FZD6: variants seen among roughly 807,000 people sequenced by gnomAD.
FZD6 encodes frizzled class receptor 6.
Under a neutral mutation model 61.4 loss-of-function variants are expected in FZD6, and 49 were observed. The observed-to-expected ratio is 0.80, with a 90% CI of 0.63 to 1.01. The LOEUF (loss-of-function observed/expected upper bound fraction) is 1.01, where lower values mean the gene tolerates loss of function less well. FZD6 is among the 50% of genes least tolerant of loss of function. The pLI is 0.00. For missense variants in FZD6, 724 were observed against 848.2 expected (o/e 0.85, Z 1.82); for synonymous variants, 265 against 292.2 (o/e 0.91, Z 0.95).
chr8:103,319,461 G>A (rs776083774), intron 3 of FZD6, among the ~76,000 whole-genome samples: 1 of 152,164 alleles, frequency 6.6e-6, no homozygotes, highest in Non-Finnish European at 1.5e-5. Flanking sequence ...GCACAATCCT[G>A]TGAGCTTCTG....
At chr8:103,311,698 A>G (rs1814501459) in intron 2 of FZD6, among the ~76,000 whole-genome samples, 1 of 151,862 alleles carries the variant, frequency 6.6e-6, no homozygotes, top group South Asian at 2.1e-4. Context: ...AAAAAAAAAA[A>G]AAAAGTGTTA....
rs139148335 is a variant in FZD6 at position 103,325,486 on chromosome 8, A to G, written c.1380A>G (p.Pro460=). The G allele has an allele frequency of 6.2e-7, 1 of 1,610,386 alleles. No homozygotes were observed. The change falls in exon 4 of 7, where the codon CCA becomes CCG. Residue 460 remains proline, a synonymous_variant. Transcript: ENST00000358755. ...VSDHCRQYHI[P]CPYQAKAKAR... ...ATCATTGTCGTCAGTACCATATCCC[A>G]TGTCCTTATCAGGTAAAAGCTATCA...
Position 103,328,275 on chromosome 8 carries a change from C to G in FZD6, c.1400C>G (p.Ala467Gly). ...ATTCACTATTTTTTGTAGGCAAAAG[C>G]AAAAGCTCGACCAGAATTGGCTTTA... ...YHIPCPYQAK[A>G]KARPELALFM... Residue 467 changes from alanine to glycine, a missense_variant, in exon 5 of 7, where the codon GCA becomes GGA. Transcript: ENST00000358755. 1.2e-6 allele frequency: 2 copies of G among 1,610,316 alleles called. No individual in the cohort carries two copies. Among genetic ancestry groups the G allele is most frequent in the Non-Finnish European group, 1.7e-6 (2 of 1,176,718 alleles).
At chr8:103,314,007 T>C (rs1402171133) in intron 2 of FZD6, among the ~76,000 whole-genome samples, 1 of 152,122 alleles carries the variant, frequency 6.6e-6, no homozygotes, top group Non-Finnish European at 1.5e-5. Context: ...CTTACAGGCA[T>C]TTTCATTTAC....
At position 103,323,529 on chromosome 8, in the gene FZD6, C is replaced by A. The variant is rs181833902; in HGVS notation, c.375-952C>A. Among the ~76,000 whole-genome samples, 840 of 151,852 alleles carry A rather than the reference C, an allele frequency of 5.5e-3. 9 individuals carry two copies. Among genetic ancestry groups the A allele is most frequent in the African/African-American group, 0.019 (800 of 41,374 alleles). ...CACTGCAACCTCCGCCTCCCAGGTT[C>A]AAGTGATTCTCCTGCCTCAGCTTCC... On this transcript the variant is annotated intron_variant, in intron 3 of 6. Transcript: ENST00000358755.
At chr8:103,329,013 T>TTTATATATATATATATA (rs143400765) in intron 5 of FZD6, among the ~76,000 whole-genome samples, 2 of 115,178 alleles carry the variant, frequency 1.7e-5, no homozygotes, top group African/African-American at 5.9e-5. Context: ...CATTTTAGTT[T>TTTATATATATATATATA]TATATATATA....
chr8:103,311,135 A>G (rs1248973993), intron 2 of FZD6, among the ~76,000 whole-genome samples: 17 of 152,128 alleles, frequency 1.1e-4, no homozygotes. Flanking sequence ...ATACCATAGG[A>G]TTAGTTTGTC....
At chr8:103,298,766 G>A (rs1814046112), upstream of FZD6, 2 of 138,746 alleles carry the variant, frequency 1.4e-5, no homozygotes, top group Admixed American at 8.2e-5. Context: ...CCGGGCGCAG[G>A]GCCAGTCCCG....
In FZD6 at chr8:103,328,267, G is replaced by T; in HGVS notation, c.1393-1G>T. 6.2e-7 allele frequency: 1 copy of T among 1,607,512 alleles called. No individual in the cohort carries two copies. Among genetic ancestry groups the T allele is most frequent in the East Asian group, 2.2e-5 (1 of 44,778 alleles). ...ATATTATTATTCACTATTTTTTGTA[G>T]GCAAAAGCAAAAGCTCGACCAGAAT... On this transcript the variant is annotated splice_acceptor_variant, in intron 4 of 6. Coordinates refer to ENST00000358755, the MANE Select transcript of FZD6 (RefSeq NM_003506.4). LOFTEE classifies it high-confidence loss of function.
At chr8:103,321,224 T>C (rs891208284) in intron 3 of FZD6, among the ~76,000 whole-genome samples, 16 of 152,206 alleles carry the variant, frequency 1.1e-4, no homozygotes, top group African/African-American at 3.9e-4. Context: ...TTTATTCGTG[T>C]TTGAGAATGC....
At position 103,332,702 on chromosome 8, in the gene FZD6, T is replaced by C. The variant is rs1175298083; in HGVS notation, c.*1193T>C. The C allele has an allele frequency of 6.6e-6, 1 of 152,636 alleles. No individual in the cohort carries two copies. Among genetic ancestry groups the C allele is most frequent in the Non-Finnish European group, 1.5e-5 (1 of 68,030 alleles). The allele number at this position is 152,636 out of a possible 1,614,324, so 9.5% of individuals were successfully genotyped here. ...ATTTTCTCTCAATTTAGCATTTGCTTTTGGTTTTTTTCTCTATTTAGCATT... is the reference window on the plus strand; with the variant it reads ...ATTTTCTCTCAATTTAGCATTTGCTCTTGGTTTTTTTCTCTATTTAGCATT... On this transcript the variant is annotated 3_prime_UTR_variant, in exon 7 of 7. Coordinates refer to ENST00000358755, the MANE Select transcript of FZD6 (RefSeq NM_003506.4).
At chr8:103,330,393 CACCTTAT>C (rs1815086854) in intron 6 of FZD6, among the ~76,000 whole-genome samples, 1 of 152,146 alleles carries the variant, frequency 6.6e-6, no homozygotes, top group Non-Finnish European at 1.5e-5. Context: ...TAAAAAGTGT[CACCTTAT>C]ACAAAATTAT....
At chr8:103,314,001 C>A (rs1355383895) in intron 2 of FZD6, among the ~76,000 whole-genome samples, 1 of 152,086 alleles carries the variant, frequency 6.6e-6, no homozygotes, top group Non-Finnish European at 1.5e-5. Context: ...TATCATCTTA[C>A]AGGCATTTTC....
chr8:103,325,040 G>A lies in FZD6; in HGVS notation c.934G>A (p.Gly312Arg), dbSNP rs758705643. 1.2e-6 allele frequency: 2 copies of A among 1,614,168 alleles called. No individual in the cohort carries two copies. Among genetic ancestry groups the A allele is most frequent in the Admixed American group, 1.7e-5 (1 of 60,028 alleles). Residue 312 changes from glycine (G) to arginine (R), a missense_variant, in exon 4 of 7, where the codon GGA becomes AGA. Transcript: ENST00000358755. ...ILTITWFLAAGRKWSCEAIEQ... is the reference protein window; with the variant it reads ...ILTITWFLAARRKWSCEAIEQ... ...TACCATTACTTGGTTCTTAGCTGCA[G>A]GAAGAAAATGGAGTTGTGAAGCCAT...
intron 2 of FZD6, among the ~76,000 whole-genome samples, chr8:103,308,506 A>T (rs191019097): frequency 3.3e-4 from 51 of 152,290 alleles, no homozygotes; most frequent in Admixed American, 5.2e-4. Flanking sequence ...GCCACCTCTG[A>T]ATGGAGTTAT....
At position 103,331,843 on chromosome 8, in the gene FZD6, G is replaced by T; in HGVS notation, c.*334G>T. ...ATGTACTATGCTATTTTACTTTTTT[G>T]ATATAAAATCAAGATATTTCTTTGC... is the stretch of plus-strand genomic sequence containing the variant. On this transcript the variant is annotated 3_prime_UTR_variant, in exon 7 of 7. Coordinates refer to ENST00000358755, the MANE Select transcript of FZD6 (RefSeq NM_003506.4). 9.2e-6 allele frequency: 2 copies of T among 218,540 alleles called. No homozygotes were observed. Among genetic ancestry groups the T allele is most frequent in the Admixed American group, 5.3e-5 (1 of 18,938 alleles). 13.5% of individuals were successfully genotyped at this position (218,540 alleles called of 1,614,324 possible).
At chr8:103,305,414 A>G (rs554058146) in intron 2 of FZD6, among the ~76,000 whole-genome samples, 1 of 152,218 alleles carries the variant, frequency 6.6e-6, no homozygotes, top group Non-Finnish European at 1.5e-5. Context: ...AACTGGATAA[A>G]CAGACTTTTA....
chr8:103,301,877 T>C (rs1814182817), intron 2 of FZD6, among the ~76,000 whole-genome samples: 1 of 152,248 alleles, frequency 6.6e-6, no homozygotes, highest in South Asian at 2.1e-4. Context: ...AAAATTACTT[T>C]TTAATTTACC....
In FZD6 at chr8:103,325,019, A is replaced by G; in HGVS notation, c.913A>G (p.Ile305Val). 2 of 1,614,124 alleles carry G rather than the reference A, an allele frequency of 1.2e-6. No individual in the cohort carries two copies. Among genetic ancestry groups the G allele is most frequent in the Non-Finnish European group, 1.7e-6 (2 of 1,180,006 alleles). Residue 305 changes from isoleucine (I) to valine (V), a missense_variant, in exon 4 of 7, where the codon ATT becomes GTT. Transcript: ENST00000358755. ...CACTGTGTGGTGGGTGATTCTTACC[A>G]TTACTTGGTTCTTAGCTGCAGGAAG... is the stretch of plus-strand genomic sequence containing the variant. The part of the protein sequence containing the change: ...AGTVWWVILT[I>V]TWFLAAGRKW...
Sources: allele counts gnomAD v4.1 joint callset (sites outside exome capture counted in the v4.1 genomes callset), GRCh38; gene constraint gnomAD v4.1.1; transcripts MANE v1.5; gene names NCBI Gene and HGNC (gene_info 2026-07-23, HGNC 2026-07-21).